Variants in FBN1 observed in about 807,000 individuals in gnomAD.
The protein encoded by FBN1 is fibrillin 1.
A neutral mutation model predicts 365.1 loss-of-function variants in FBN1; 29 were observed. The ratio of observed to expected loss-of-function variants is 0.08; its 90% CI spans 0.06 to 0.11. The LOEUF (loss-of-function observed/expected upper bound fraction) is 0.11. Ranked by LOEUF, FBN1 falls within the 10% of genes least tolerant of loss-of-function variation. The pLI is 1.00. For synonymous variants in FBN1, 1,210 were observed against 1,270.5 expected (o/e 0.95, Z 1.01); for missense variants, 2,476 against 3,703.2 (o/e 0.67, Z 8.60).
At chr15:48,469,771 G>A (rs2043355837) in intron 36 of FBN1, among the ~76,000 whole-genome samples, 1 of 152,112 alleles carries the variant, frequency 6.6e-6, no homozygotes, top group African/African-American at 2.4e-5. Flanking sequence ...TACAGGCCAT[G>A]GAGAGGGGGA....
chr15:48,494,495 G>A (rs760213378), intron 22 of FBN1, among the ~76,000 whole-genome samples: 6 of 152,160 alleles, frequency 3.9e-5, no homozygotes, highest in Non-Finnish European at 8.8e-5. Context: ...ACACAGACGT[G>A]CCCTATAGAT....
intron 6 of FBN1, among the ~76,000 whole-genome samples, chr15:48,554,844 A>G (rs909169049): frequency 2.0e-5 from 3 of 152,228 alleles, no homozygotes; most frequent in Non-Finnish European, 4.4e-5. Context: ...AGTTTTCTTA[A>G]TTATAAATAG....
chr15:48,588,190 G>A (rs1356807714), intron 6 of FBN1, among the ~76,000 whole-genome samples: 1 of 152,120 alleles, frequency 6.6e-6, no homozygotes, highest in Non-Finnish European at 1.5e-5. Flanking sequence ...CAACGACTTA[G>A]AATGGAAAAG....
chr15:48,547,649 A>G (rs192260031), intron 6 of FBN1, among the ~76,000 whole-genome samples: 3 of 150,406 alleles, frequency 2.0e-5, no homozygotes, highest in South Asian at 2.1e-4. Flanking sequence ...TATTTCTAGA[A>G]TTGGCTTTTT....
chr15:48,575,080 C>T (rs1220322201), intron 6 of FBN1, among the ~76,000 whole-genome samples: 10 of 152,194 alleles, frequency 6.6e-5, no homozygotes, highest in African/African-American at 1.9e-4. Flanking sequence ...AAATAGTTCA[C>T]GTGTGACACG....
intron 22 of FBN1, among the ~76,000 whole-genome samples, chr15:48,494,575 A>C (rs1418045184): frequency 4.6e-5 from 7 of 152,204 alleles, no homozygotes; most frequent in Non-Finnish European, 8.8e-5. Context: ...TGAAAATAGG[A>C]ATCACACTAT....
At chr15:48,505,243 G>A (rs1324380084) in intron 15 of FBN1, 96 bp from the exon 16 acceptor site, 4 of 1,469,882 alleles carry the variant, frequency 2.7e-6, no homozygotes, top group Middle Eastern at 2.0e-4. Flanking sequence ...AAATGGGGAA[G>A]ATAGGAAATA....
At chr15:48,591,302 A>G (rs532274327) in intron 6 of FBN1, among the ~76,000 whole-genome samples, 24 of 146,714 alleles carry the variant, frequency 1.6e-4, no homozygotes, top group East Asian at 5.9e-4. Flanking sequence ...CTCAAAAGGG[A>G]AAAAAAAAAA....
At chr15:48,492,807 G>C (rs2043573141) in intron 23 of FBN1, among the ~76,000 whole-genome samples, 1 of 152,148 alleles carries the variant, frequency 6.6e-6, no homozygotes, top group African/African-American at 2.4e-5. Flanking sequence ...TGGTTTCAGG[G>C]AATAACTTTT....
At chr15:48,484,217 A>T (rs1418220822) in intron 30 of FBN1, among the ~76,000 whole-genome samples, 3 of 152,180 alleles carry the variant, frequency 2.0e-5, no homozygotes, top group Non-Finnish European at 1.5e-5. Flanking sequence ...CTTTCATTTA[A>T]TTTATCATTC....
intron 2 of FBN1, among the ~76,000 whole-genome samples, chr15:48,627,861 C>T (rs1027728386): frequency 2.6e-5 from 4 of 152,188 alleles, no homozygotes; most frequent in Non-Finnish European, 5.9e-5. Flanking sequence ...GTGTTTCAAG[C>T]TATAATTAAG....
At position 48,421,927 on chromosome 15, in the gene FBN1, T is replaced by C. The variant is rs200754823; in HGVS notation, c.7570+25A>G. Reference sequence around the variant, plus strand: ...CTTAAAAGAATCGCTACAATCCATGTAGGATTTTTTCCTCTCCTACTCACC... The same window carrying C: ...CTTAAAAGAATCGCTACAATCCATGCAGGATTTTTTCCTCTCCTACTCACC... On this transcript the variant is annotated intron_variant, in intron 61 of 65. Coordinates refer to ENST00000316623, the MANE Select transcript of FBN1 (RefSeq NM_000138.5). 4.9e-5 allele frequency: 73 copies of C among 1,497,776 alleles called. No individual in the cohort carries two copies. The African/African-American group carries it at 8.4e-4, about 17-fold the overall frequency. The allele number at this position is 1,497,776 out of a possible 1,614,324, so 92.8% of individuals were successfully genotyped here.
intron 6 of FBN1, among the ~76,000 whole-genome samples, chr15:48,581,418 G>A (rs16961186): frequency 2.6e-5 from 4 of 152,224 alleles, no homozygotes; most frequent in East Asian, 1.9e-4. Flanking sequence ...CCCGGGCAGC[G>A]TGACACAGCA....
intron 6 of FBN1, among the ~76,000 whole-genome samples, chr15:48,586,225 G>A (rs886429869): frequency 6.6e-6 from 1 of 152,104 alleles, no homozygotes; most frequent in Admixed American, 6.5e-5. Context: ...TAAAGTGAAT[G>A]GCAAAAACCA....
At chr15:48,476,515 A>G (rs1160088358) in intron 32 of FBN1, among the ~76,000 whole-genome samples, 4 of 152,124 alleles carry the variant, frequency 2.6e-5, no homozygotes, top group African/African-American at 2.4e-5. Flanking sequence ...GGGCAGAGCC[A>G]GGACCTCCTG....
chr15:48,434,937 T>C (rs2043054294), intron 53 of FBN1, among the ~76,000 whole-genome samples: 1 of 152,024 alleles, frequency 6.6e-6, no homozygotes. Flanking sequence ...GCTGGAATTA[T>C]GGGTGCACAT....
intron 6 of FBN1, among the ~76,000 whole-genome samples, chr15:48,591,380 T>C (rs995359423): frequency 2.0e-5 from 3 of 152,176 alleles, no homozygotes; most frequent in African/African-American, 7.2e-5. Flanking sequence ...CCAAACACAT[T>C]TTGAGCTGTT....
At chr15:48,487,507 C>T (rs2043519552) in intron 27 of FBN1, 70 bp from the exon 28 acceptor site, 2 of 1,598,912 alleles carry the variant, frequency 1.3e-6, no homozygotes, top group Admixed American at 1.7e-5. Context: ...CACTCCTCCC[C>T]CACCCATTGC....
chr15:48,437,846 A>T lies in FBN1; in HGVS notation c.6235T>A (p.Ser2079Thr). Residue 2079 changes from serine to threonine, a missense_variant, in exon 51 of 66, where the codon TCC (serine) becomes ACC (threonine). Around this residue, in one of 5 missense-constraint regions of FBN1, gnomAD observed 1,780 missense variants for 2,840.8 expected, o/e 0.63. Coordinates refer to ENST00000316623, the MANE Select transcript of FBN1 (RefSeq NM_000138.5). Reference sequence around the variant, plus strand: ...AAGGCACAGCAGCATTCCTGCTTGGAGTGATTTCTGGATTTGGGTGATGAA... The same window carrying T: ...AAGGCACAGCAGCATTCCTGCTTGGTGTGATTTCTGGATTTGGGTGATGAA... ...KCSSPKSRNH[S>T]KQECCCALKG... 6.2e-7 allele frequency: 1 copy of T among 1,613,850 alleles called. No individual in the cohort carries two copies. Among genetic ancestry groups the T allele is most frequent in the Non-Finnish European group, 8.5e-7 (1 of 1,179,848 alleles).
Sources: gnomAD v4.1 joint callset for allele counts (sites outside exome capture counted in the v4.1 genomes callset) on GRCh38, gnomAD v4.1.1 for gene constraint, gnomAD v4.1.1 regional missense constraint, MANE v1.5 for transcripts, NCBI Gene and HGNC (gene_info 2026-07-23, HGNC 2026-07-21) for gene names.